The following CSMD1 variants were observed in gnomAD, a reference collection of about 807,000 sequenced individuals.
The protein encoded by CSMD1 is CUB and sushi domain-containing protein 1.
In CSMD1, 213 loss-of-function variants were observed where a neutral mutation model predicts 417.5. The ratio of observed to expected loss-of-function variants is 0.51; its 90% CI spans 0.46 to 0.57. CSMD1 has a LOEUF of 0.57. Ranked by LOEUF, CSMD1 falls within the 20% of genes least tolerant of loss-of-function variation. The pLI is 0.00. For missense variants in CSMD1, 6,923 were observed against 4,529.7 expected (o/e 1.53, Z -15.17); for synonymous variants, 2,862 against 1,736.8 (o/e 1.65, Z -16.11).
chr8:4,042,815 T>TAAAA (rs60411612), intron 3 of CSMD1, among the ~76,000 whole-genome samples: 13 of 41,310 alleles, frequency 3.1e-4, no homozygotes, highest in Admixed American at 7.3e-4. Context: ...TACAACATAT[T>TAAAA]AAAAAAAAAA....
intron 2 of CSMD1, among the ~76,000 whole-genome samples, chr8:4,487,289 A>T (rs1309840091): frequency 1.3e-5 from 2 of 152,112 alleles, no homozygotes; most frequent in African/African-American, 4.8e-5. Context: ...GTCATTTAGC[A>T]TTAGGTATAT....
intron 3 of CSMD1, among the ~76,000 whole-genome samples, chr8:4,186,974 T>G (rs1798716571): frequency 6.6e-6 from 1 of 152,094 alleles, no homozygotes; most frequent in Non-Finnish European, 1.5e-5. Flanking sequence ...ACAGCAAGAT[T>G]CTGTCTCAAA....
intron 9 of CSMD1, among the ~76,000 whole-genome samples, chr8:3,579,051 G>T (rs776690855): frequency 3.3e-5 from 5 of 152,156 alleles, no homozygotes; most frequent in Non-Finnish European, 7.3e-5. Flanking sequence ...CTTGATAAAG[G>T]TACTTGGATA....
chr8:4,297,472 A>G (rs1797749274), intron 3 of CSMD1, among the ~76,000 whole-genome samples: 1 of 152,218 alleles, frequency 6.6e-6, no homozygotes, highest in Admixed American at 6.5e-5. Flanking sequence ...GCAAGCTAAT[A>G]CTTTATTCAG....
At chr8:4,023,724 C>A (rs1049223126) in intron 4 of CSMD1, among the ~76,000 whole-genome samples, 23 of 143,736 alleles carry the variant, frequency 1.6e-4, no homozygotes, top group Non-Finnish European at 3.0e-5. Context: ...GTAGCTGGGA[C>A]TACAAGCGCC....
intron 3 of CSMD1, among the ~76,000 whole-genome samples, chr8:4,133,876 A>G (rs1554464050): frequency 6.6e-6 from 1 of 152,174 alleles, no homozygotes; most frequent in Non-Finnish European, 1.5e-5. Context: ...AAGACAGGAA[A>G]TTTTTTATAA....
At chr8:3,610,288 T>C (rs1004025523) in intron 8 of CSMD1, among the ~76,000 whole-genome samples, 1 of 152,252 alleles carries the variant, frequency 6.6e-6, no homozygotes, top group South Asian at 2.1e-4. Context: ...ATTCCAGCAA[T>C]TTTGAATGTC....
intron 23 of CSMD1, among the ~76,000 whole-genome samples, chr8:3,325,402 G>T (rs1249805104): frequency 6.6e-6 from 1 of 152,212 alleles, no homozygotes; most frequent in Admixed American, 6.5e-5. Context: ...TCACACTTAA[G>T]TCGTAAGCCT....
rs549876599 is a variant in CSMD1 at position 4,069,882 on chromosome 8, T to G, written c.416-37783A>C. Among the ~76,000 whole-genome samples, 4 of 129,932 alleles carry G rather than the reference T, an allele frequency of 3.1e-5. No individual in the cohort carries two copies. In the South Asian group the frequency reaches 1.0e-3, roughly 32 times the overall value. 85.2% of individuals were successfully genotyped at this position (129,932 alleles called of 152,430 possible). ...TATCCGGTACTGCAACAGTAAGGTGTTTTGTTTTGTTTTGTTTTGTTTTTG... is the reference window on the plus strand; with the variant it reads ...TATCCGGTACTGCAACAGTAAGGTGGTTTGTTTTGTTTTGTTTTGTTTTTG... On this transcript the variant is annotated intron_variant, in intron 3 of 69. Transcript: ENST00000635120.
intron 3 of CSMD1, among the ~76,000 whole-genome samples, chr8:4,049,669 G>C (rs191412850): frequency 2.6e-5 from 4 of 151,998 alleles, no homozygotes; most frequent in African/African-American, 9.7e-5. Context: ...ACAAGCATAG[G>C]TATAGATATT....
intron 1 of CSMD1, among the ~76,000 whole-genome samples, chr8:4,780,732 C>A (rs922547178): frequency 1.3e-5 from 2 of 152,098 alleles, no homozygotes; most frequent in Non-Finnish European, 2.9e-5. Flanking sequence ...CCACTCTTCT[C>A]TACCAAGTCC....
chr8:4,049,063 T>C lies in CSMD1; in HGVS notation c.416-16964A>G, dbSNP rs368737405. ...TCTCAACAACTCTCAAAACAGTCCTTTCATGGTTAGGAATTGCCTCCATTT... is the reference window on the plus strand; with the variant it reads ...TCTCAACAACTCTCAAAACAGTCCTCTCATGGTTAGGAATTGCCTCCATTT... On this transcript the variant is annotated intron_variant, in intron 3 of 69. Transcript: ENST00000635120. Among the ~76,000 whole-genome samples the C allele has an allele frequency of 4.7e-4, 71 of 152,300 alleles. No homozygotes were observed. The East Asian group carries it at 7.5e-3, about 16-fold the overall frequency.
intron 9 of CSMD1, among the ~76,000 whole-genome samples, chr8:3,578,007 T>C (rs1316075434): frequency 6.6e-6 from 1 of 152,132 alleles, no homozygotes; most frequent in Non-Finnish European, 1.5e-5. Flanking sequence ...GTGTCTGTTG[T>C]CCCCTAGCTG....
intron 2 of CSMD1, among the ~76,000 whole-genome samples, chr8:4,440,724 G>A (rs1354954643): frequency 6.6e-6 from 1 of 152,134 alleles, no homozygotes; most frequent in Non-Finnish European, 1.5e-5. Flanking sequence ...GGCCGGGTGT[G>A]GTGGTTCATG....
chr8:4,739,484 T>A (rs1810459168), intron 1 of CSMD1, among the ~76,000 whole-genome samples: 2 of 152,216 alleles, frequency 1.3e-5, no homozygotes, highest in Non-Finnish European at 2.9e-5. Flanking sequence ...GTTGTAATGA[T>A]AGATGAAGTA....
intron 5 of CSMD1, among the ~76,000 whole-genome samples, chr8:3,911,605 C>A (rs959131122): frequency 1.3e-5 from 2 of 151,762 alleles, no homozygotes; most frequent in South Asian, 4.2e-4. Context: ...TTTCCAGTTT[C>A]TCTGCCATCC....
intron 5 of CSMD1, among the ~76,000 whole-genome samples, chr8:3,878,675 C>T (rs1159469474): frequency 6.6e-6 from 1 of 152,174 alleles, no homozygotes; most frequent in Non-Finnish European, 1.5e-5. Flanking sequence ...TCATATTCAA[C>T]TAGTCTGAGT....
intron 2 of CSMD1, among the ~76,000 whole-genome samples, chr8:4,563,224 A>G (rs1233290289): frequency 2.0e-5 from 3 of 151,982 alleles, no homozygotes; most frequent in African/African-American, 7.3e-5. Flanking sequence ...ACACGGTGAA[A>G]CCCCGTCTCT....
In CSMD1 at chr8:4,964,265, G is replaced by T. The variant is rs544737616; in HGVS notation, c.85+30067C>A. ...ATGGTGGCTAACACCTGTAATCCCA[G>T]CAGTTTGGGAGGCAAAGGGGGGCAA... On this transcript the variant is annotated intron_variant, in intron 1 of 69. Transcript: ENST00000635120. Among the ~76,000 whole-genome samples, 10 of 152,078 alleles carry T rather than the reference G, an allele frequency of 6.6e-5. No homozygotes were observed. In the East Asian group the frequency reaches 1.9e-3, roughly 29 times the overall value.
Sources: gnomAD v4.1 joint callset for allele counts (sites outside exome capture counted in the v4.1 genomes callset) on GRCh38, gnomAD v4.1.1 for gene constraint, MANE v1.5 for transcripts, NCBI Gene and HGNC (gene_info 2026-07-23, HGNC 2026-07-21) for gene names.